PAH: variants seen among roughly 807,000 people sequenced by gnomAD.
PAH encodes phenylalanine-4-hydroxylase.
Under a neutral mutation model 62.0 loss-of-function variants are expected in PAH, and 64 were observed. The observed-to-expected ratio is 1.03, with a 90% CI of 0.84 to 1.27. The LOEUF (loss-of-function observed/expected upper bound fraction) is 1.27, where lower values mean the gene tolerates loss of function less well. Among genes scored for constraint, PAH ranks in the 50% most tolerant of loss-of-function variants. The pLI, the probability that PAH is intolerant of heterozygous loss-of-function variation, is 0.00. For missense variants in PAH, 579 were observed against 542.8 expected (o/e 1.07, Z -0.66); for synonymous variants, 195 against 196.2 (o/e 0.99, Z 0.05).
At chr12:102,945,286 A>G (rs1002207215) in intron 1 of PAH, 4 of 152,684 alleles carry the variant, frequency 2.6e-5, no homozygotes, top group Admixed American at 6.5e-5. Context: ...GCTACTGCCT[A>G]TGTTCACTCA....
Position 102,852,730 on chromosome 12 carries a change from G to T in PAH, c.842+85C>A, listed in dbSNP as rs1343787492. On this transcript the variant is annotated intron_variant, in intron 7 of 12. Coordinates refer to ENST00000553106, the MANE Select transcript of PAH (RefSeq NM_000277.3). ...GACAACTAGTCCTGTGGACCAGCCA[G>T]CAATGAACCCAAACCTCATTCTTGC... 5.9e-6 allele frequency: 9 copies of T among 1,535,804 alleles called. No individual in the cohort carries two copies. In the Admixed American group the frequency reaches 1.0e-4, roughly 17 times the overall value.
intron 2 of PAH, among the ~76,000 whole-genome samples, chr12:102,898,996 C>A (rs576702957): frequency 6.6e-6 from 1 of 152,198 alleles, no homozygotes; most frequent in Admixed American, 6.5e-5. Flanking sequence ...CAGAGGGGAC[C>A]CCACTAGGGA....
At chr12:102,922,375 G>A (rs1256728310) in intron 1 of PAH, among the ~76,000 whole-genome samples, 8 of 151,888 alleles carry the variant, frequency 5.3e-5, no homozygotes, top group Non-Finnish European at 1.0e-4. Context: ...TTGTATTTTA[G>A]TAGAGACAGT....
intron 7 of PAH, among the ~76,000 whole-genome samples, chr12:102,852,555 G>A (rs549012608): frequency 4.1e-4 from 62 of 152,190 alleles, no homozygotes; most frequent in Non-Finnish European, 7.5e-4. Flanking sequence ...TTTGGAACTT[G>A]ATTGGGATCT....
intron 4 of PAH, among the ~76,000 whole-genome samples, chr12:102,871,790 C>T (rs989286373): frequency 1.1e-4 from 17 of 151,740 alleles, no homozygotes; most frequent in South Asian, 6.2e-4. Context: ...GGCGTGGTGG[C>T]GCATGCCTGT....
chr12:102,897,444 CAT>C (rs1451647492), intron 2 of PAH, among the ~76,000 whole-genome samples: 17 of 131,096 alleles, frequency 1.3e-4, no homozygotes, highest in South Asian at 1.2e-3. Context: ...TATTAACTCT[CAT>C]ATATATGTGT....
At chr12:102,956,660 C>T (rs954079523) in intron 1 of PAH, among the ~76,000 whole-genome samples, 1 of 152,158 alleles carries the variant, frequency 6.6e-6, no homozygotes, top group African/African-American at 2.4e-5. Flanking sequence ...CTGGGAGTAT[C>T]CCAGAGCACT....
At chr12:102,906,004 T>C (rs74699156) in intron 2 of PAH, among the ~76,000 whole-genome samples, 20,030 of 152,028 alleles carry the variant, frequency 0.13, 1,364 homozygotes, top group Non-Finnish European at 0.14. Flanking sequence ...ATTCAGAGTA[T>C]ATAAAATGTC....
At chr12:102,923,817 C>G (rs1442176436) in intron 1 of PAH, among the ~76,000 whole-genome samples, 1 of 152,136 alleles carries the variant, frequency 6.6e-6, no homozygotes, top group East Asian at 1.9e-4. Context: ...TACCACCTGA[C>G]TTAAAGAGGT....
intron 2 of PAH, among the ~76,000 whole-genome samples, chr12:102,896,317 G>A (rs945678532): frequency 6.6e-6 from 1 of 152,170 alleles, no homozygotes; most frequent in Non-Finnish European, 1.5e-5. Flanking sequence ...GAGTGGATGA[G>A]GTCAAGGGGA....
chr12:102,921,015 G>A (rs980980345), upstream of PAH, among the ~76,000 whole-genome samples: 2 of 152,142 alleles, frequency 1.3e-5, no homozygotes, highest in Non-Finnish European at 2.9e-5. Context: ...TAGGCCTGGG[G>A]TAGAAATTTT....
At chr12:102,935,561 G>C (rs1394708479) in intron 1 of PAH, among the ~76,000 whole-genome samples, 1 of 151,896 alleles carries the variant, frequency 6.6e-6, no homozygotes, top group African/African-American at 2.4e-5. Flanking sequence ...TTATGGCTTA[G>C]GTCTTGTTAC....
At chr12:102,859,895 T>C (rs986238481) in intron 5 of PAH, among the ~76,000 whole-genome samples, 2 of 152,128 alleles carry the variant, frequency 1.3e-5, no homozygotes, top group Non-Finnish European at 2.9e-5. Flanking sequence ...CTGGAAGCAT[T>C]CCCTTCCCTT....
rs565039842 is a variant in PAH at position 102,928,204 on chromosome 12, C to A, written c.-95-10979G>T. ...AGTAGTTGTATATATTTGTGGGGTA[C>A]ATGAGATATTTTGATACAATCATAC... On this transcript the variant is annotated intron_variant, in intron 1 of 3. Transcript: ENST00000546844. Among the ~76,000 whole-genome samples, 16 of 152,180 alleles carry A rather than the reference C, an allele frequency of 1.1e-4. No individual in the cohort carries two copies. In the South Asian group the frequency reaches 3.1e-3, roughly 30 times the overall value.
chr12:102,850,290 C>T (rs1260841505), intron 8 of PAH, among the ~76,000 whole-genome samples: 2 of 152,234 alleles, frequency 1.3e-5, no homozygotes, highest in African/African-American at 4.8e-5. Flanking sequence ...ATTCCCCAAA[C>T]CTCACATAAA....
intron 1 of PAH, among the ~76,000 whole-genome samples, chr12:102,927,964 T>C (rs896514511): frequency 6.6e-6 from 1 of 152,206 alleles, no homozygotes; most frequent in African/African-American, 2.4e-5. Context: ...CCTAAAACTA[T>C]ATTGGATTTC....
At chr12:102,925,588 G>T (rs1480391711) in intron 1 of PAH, among the ~76,000 whole-genome samples, 3 of 152,106 alleles carry the variant, frequency 2.0e-5, no homozygotes, top group Non-Finnish European at 4.4e-5. Flanking sequence ...AGAGAAAAAT[G>T]CAACGTCTCA....
rs1221476297 is a variant in PAH, at chr12:102,957,458, A to G, written c.-96+737T>C. 6.8e-6 allele frequency among the ~76,000 whole-genome samples: 1 copy of G among 147,342 alleles called. No individual in the cohort carries two copies. Among genetic ancestry groups the G allele is most frequent in the African/African-American group, 2.5e-5 (1 of 39,992 alleles). ...TGCAACAACAAACCCAGCTGAATGGAGAGTTTGCAAGGAGCGGGAGAAAGG... is the reference window on the plus strand; with the variant it reads ...TGCAACAACAAACCCAGCTGAATGGGGAGTTTGCAAGGAGCGGGAGAAAGG... On this transcript the variant is annotated intron_variant, in intron 1 of 4. Transcript: ENST00000551337. The surrounding 1 kb of genome is among the most constrained non-coding windows in gnomAD (Gnocchi z 4.1).
chr12:102,930,869 T>C (rs1878842865), intron 1 of PAH, among the ~76,000 whole-genome samples: 1 of 152,248 alleles, frequency 6.6e-6, no homozygotes, highest in Admixed American at 6.5e-5. Flanking sequence ...TTAGTGGTTC[T>C]ACAACTACAC....
Sources: allele counts gnomAD v4.1 joint callset (sites outside exome capture counted in the v4.1 genomes callset), GRCh38; gene constraint gnomAD v4.1.1; non-coding constraint Gnocchi (gnomAD v3.1); transcripts MANE v1.5; gene names NCBI Gene and HGNC (gene_info 2026-07-23, HGNC 2026-07-21).